The following ROCK1 variants were observed in gnomAD, a reference collection of about 807,000 sequenced individuals.
The protein encoded by ROCK1 is rho-associated protein kinase 1.
ROCK1 carries 36 observed loss-of-function variants against 196.8 expected under a neutral mutation model. The observed-to-expected ratio is 0.18, with a 90% CI of 0.14 to 0.24. ROCK1 has a LOEUF of 0.24. Ranked by LOEUF, ROCK1 falls within the 10% of genes least tolerant of loss-of-function variation. The pLI is 1.00. For missense variants in ROCK1, 920 were observed against 1,562.0 expected (o/e 0.59, Z 6.93); for synonymous variants, 443 against 515.9 (o/e 0.86, Z 1.91).
intron 29 of ROCK1, among the ~76,000 whole-genome samples, chr18:20,959,084 ATTT>A (rs1218846665): frequency 3.6e-4 from 13 of 36,432 alleles, no homozygotes; most frequent in African/African-American, 2.3e-3. Context: ...TAATATATAT[ATTT>A]TATATAATAT....
chr18:21,081,766 A>G (rs569679787), intron 1 of ROCK1, among the ~76,000 whole-genome samples: 1 of 152,330 alleles, frequency 6.6e-6, no homozygotes, highest in East Asian at 1.9e-4. Flanking sequence ...CATAAAATGG[A>G]CAAATTCCTA....
rs780656627 is a variant in ROCK1, at chr18:20,992,888, G to A, written c.1935C>T (p.Leu645=). ...CTTTTCTTTCTCCTTCCACTTTTTC[G>A]AGATTATGTTTGAGATGCTTCACCT... ...QEEVKHLKHN[L]EKVEGERKEA... is the part of the protein sequence containing the mutation. The change falls in exon 17 of 33, where the codon CTC becomes CTT. Residue 645 remains leucine, a synonymous_variant. Coordinates refer to ENST00000399799, the MANE Select transcript of ROCK1 (RefSeq NM_005406.3). The A allele has an allele frequency of 1.2e-5, 20 of 1,612,516 alleles. 1 individual carries two copies. In the East Asian group the frequency reaches 3.1e-4, roughly 25 times the overall value.
In ROCK1 at chr18:21,036,404, T is replaced by C. The variant is rs534467203; in HGVS notation, c.1051+3068A>G. On this transcript the variant is annotated intron_variant, in intron 9 of 32. Transcript: ENST00000399799. ...TCTTATTTCAAATGAGATAATAATA[T>C]ATGGCAAAGTGTTTTGCAAGTTACC... Among the ~76,000 whole-genome samples the C allele has an allele frequency of 2.6e-5, 4 of 152,312 alleles. No individual in the cohort carries two copies. In the South Asian group the frequency reaches 8.3e-4, roughly 32 times the overall value.
intron 21 of ROCK1, among the ~76,000 whole-genome samples, chr18:20,981,191 G>A (rs1413030645): frequency 2.0e-5 from 3 of 151,920 alleles, no homozygotes; most frequent in East Asian, 1.9e-4. Flanking sequence ...TCAGGAGATC[G>A]AAACCATCCT....
intron 18 of ROCK1, among the ~76,000 whole-genome samples, chr18:20,988,977 A>G (rs1012435913): frequency 6.6e-6 from 1 of 152,226 alleles, no homozygotes; most frequent in Non-Finnish European, 1.5e-5. Context: ...AGCACAGGGT[A>G]CACACAACAA....
rs772370283 is a variant in ROCK1 at position 21,110,758 on chromosome 18, G to A, written c.93+60C>T. On this transcript the variant is annotated intron_variant, in intron 1 of 32. Coordinates refer to ENST00000399799, the MANE Select transcript of ROCK1 (RefSeq NM_005406.3). ...GACTTTTGCAGCGAACCAGACTAAT[G>A]CAAGAGGAAGGAAAGACATGCAAAA... The A allele has an allele frequency of 2.2e-4, 289 of 1,335,396 alleles. No homozygotes were observed. The Middle Eastern group carries it at 5.6e-3, about 26-fold the overall frequency. 82.7% of individuals were successfully genotyped at this position (1,335,396 alleles called of 1,614,324 possible).
Position 20,959,743 on chromosome 18 carries a change from C to T in ROCK1, c.3512+97G>A, listed in dbSNP as rs1234414147. On this transcript the variant is annotated intron_variant, in intron 29 of 32. Coordinates refer to ENST00000399799, the MANE Select transcript of ROCK1 (RefSeq NM_005406.3). ...AAAAACAGAAAAGTAGGTAACAGTG[C>T]TGAAGTAACACAAAATATAAAATAA... 8.5e-6 allele frequency: 5 copies of T among 588,834 alleles called. No individual in the cohort carries two copies. The Admixed American group carries it at 1.1e-4, about 13-fold the overall frequency. The allele number at this position is 588,834 out of a possible 1,614,324, so 36.5% of individuals were successfully genotyped here. A position where few individuals can be genotyped will look rare whatever the true frequency, so the allele number is the denominator to read the frequency against.
At chr18:20,965,235 A>G (rs572415701) in intron 27 of ROCK1, among the ~76,000 whole-genome samples, 1 of 151,982 alleles carries the variant, frequency 6.6e-6, no homozygotes, top group Non-Finnish European at 1.5e-5. Context: ...ACAAAAAATT[A>G]AAAAAATTAG....
chr18:21,078,417 G>A (rs1195200507), intron 1 of ROCK1, among the ~76,000 whole-genome samples: 3 of 151,272 alleles, frequency 2.0e-5, no homozygotes, highest in Non-Finnish European at 4.4e-5. Context: ...TGTGGTAGGA[G>A]TTATTAAGAA....
At chr18:20,991,151 T>A in intron 18 of ROCK1, 25 bp downstream of exon 18, 5 of 1,556,344 alleles carry the variant, frequency 3.2e-6, no homozygotes, top group Non-Finnish European at 3.5e-6. Flanking sequence ...GTCAATTTTG[T>A]AAAAATATTA....
intron 27 of ROCK1, among the ~76,000 whole-genome samples, chr18:20,964,957 A>C (rs891758253): frequency 6.6e-6 from 1 of 152,234 alleles, no homozygotes; most frequent in African/African-American, 2.4e-5. Flanking sequence ...TCTAACTAGC[A>C]TTCACCAATA....
chr18:21,021,535 A>G (rs1260641338), intron 11 of ROCK1, among the ~76,000 whole-genome samples: 1 of 152,254 alleles, frequency 6.6e-6, no homozygotes, highest in Admixed American at 6.5e-5. Flanking sequence ...TCAGTGTCAA[A>G]TACAGCAAAG....
At position 20,953,900 on chromosome 18, in the gene ROCK1, A is replaced by C. The variant is rs1598504918; in HGVS notation, c.3854-115T>G. On this transcript the variant is annotated intron_variant, in intron 31 of 32. Coordinates refer to ENST00000399799, the MANE Select transcript of ROCK1 (RefSeq NM_005406.3). ...AGGTTTTAAAAGTTTTAATATGCTT[A>C]ATTAAGCATGAACAATATCTCATTC... The C allele has an allele frequency of 2.2e-5, 12 of 550,064 alleles. No individual in the cohort carries two copies. In the East Asian group the frequency reaches 4.0e-4, roughly 18 times the overall value. 34.1% of individuals were successfully genotyped at this position (550,064 alleles called of 1,614,324 possible).
intron 27 of ROCK1, among the ~76,000 whole-genome samples, chr18:20,961,807 T>C (rs961821180): frequency 2.0e-5 from 3 of 150,524 alleles, no homozygotes; most frequent in African/African-American, 7.4e-5. Flanking sequence ...CTCCCAACAT[T>C]TTTCTTTTTC....
chr18:20,961,157 TTAAC>T (rs1414754530), intron 27 of ROCK1, among the ~76,000 whole-genome samples: 1 of 152,152 alleles, frequency 6.6e-6, no homozygotes, highest in African/African-American at 2.4e-5. Flanking sequence ...TCCATTCAAT[TTAAC>T]TATTTTCCGT....
At chr18:21,104,271 T>C (rs1328062441) in intron 1 of ROCK1, among the ~76,000 whole-genome samples, 2 of 152,208 alleles carry the variant, frequency 1.3e-5, no homozygotes, top group Non-Finnish European at 2.9e-5. Context: ...TTATTCAACA[T>C]AAAATTTTAT....
chr18:20,959,009 A>C (rs1423937767), intron 29 of ROCK1, among the ~76,000 whole-genome samples: 1 of 74,128 alleles, frequency 1.3e-5, no homozygotes, highest in Non-Finnish European at 2.3e-5. Context: ...TATATATTTT[A>C]TATAATATAT....
chr18:21,041,641 A>C (rs1432386263), intron 8 of ROCK1, among the ~76,000 whole-genome samples: 1 of 152,140 alleles, frequency 6.6e-6, no homozygotes, highest in East Asian at 1.9e-4. Context: ...TGACTCTTTC[A>C]ACAACCATAT....
chr18:21,015,154 G>T, intron 13 of ROCK1, among the ~76,000 whole-genome samples: 1 of 151,284 alleles, frequency 6.6e-6, no homozygotes, highest in East Asian at 1.9e-4. Context: ...TGCTTCTCTG[G>T]CTCCTTTCTC....
Sources: gnomAD v4.1 joint callset for allele counts (sites outside exome capture counted in the v4.1 genomes callset) on GRCh38, gnomAD v4.1.1 for gene constraint, MANE v1.5 for transcripts, NCBI Gene and HGNC (gene_info 2026-07-23, HGNC 2026-07-21) for gene names.